SERPINB10: variants seen among roughly 807,000 people sequenced by gnomAD.
SERPINB10 encodes serpin family B member 10, also known as serpin B10.
In SERPINB10, 35 loss-of-function variants were observed where a neutral mutation model predicts 39.1. The observed-to-expected ratio is 0.90, with a 90% CI of 0.68 to 1.19. SERPINB10 has a LOEUF of 1.19. SERPINB10 is among the 50% of genes most tolerant of loss of function. SERPINB10 has a pLI of 0.00. For synonymous variants in SERPINB10, 190 were observed against 158.1 expected, an observed-to-expected ratio of 1.20 and a Z score of -1.52; for missense variants, 546 against 460.5, an observed-to-expected ratio of 1.19 and a Z score of -1.70.
chr18:63,912,642 T>C (rs754926521), intron 1 of SERPINB10, among the ~76,000 whole-genome samples: 1 of 152,030 alleles, frequency 6.6e-6, no homozygotes, highest in African/African-American at 2.4e-5. Context: ...TTGATGGTGG[T>C]AAATTAACTT....
At chr18:63,924,656 C>T (rs62097493) in intron 5 of SERPINB10, among the ~76,000 whole-genome samples, 3,472 of 152,032 alleles carry the variant, frequency 0.023, 118 homozygotes, top group African/African-American at 0.072. Flanking sequence ...CTGCCCCCAA[C>T]AAGCTCCATG....
At position 63,935,017 on chromosome 18, in the gene SERPINB10, A is replaced by G; in HGVS notation, c.969A>G (p.Ser323=). The G allele has an allele frequency of 2.5e-6, 4 of 1,614,244 alleles. No homozygotes were observed. Among genetic ancestry groups the G allele is most frequent in the Non-Finnish European group, 3.4e-6 (4 of 1,180,044 alleles). ...TCAGCCAAAGCAAAGCTGATTTCTC[A>G]GGAATGTCTTCAGCAAGAAACCTAT... ...DAFSQSKADF[S]GMSSARNLFL... The change falls in exon 8 of 8, where the codon TCA becomes TCG. Residue 323 remains serine (S), a synonymous_variant. Transcript: ENST00000238508.
chr18:63,920,023 A>G, intron 5 of SERPINB10, 118 bp downstream of exon 5: 1 of 539,470 alleles, frequency 1.9e-6, no homozygotes, highest in South Asian at 2.8e-5. Flanking sequence ...ACACATTGTA[A>G]ATATTCAGAA....
chr18:63,913,813 A>G (rs2050082206), intron 1 of SERPINB10, among the ~76,000 whole-genome samples: 1 of 151,864 alleles, frequency 6.6e-6, no homozygotes, highest in South Asian at 2.1e-4. Flanking sequence ...TTTCTTTGTT[A>G]GTTTTCTCCC....
intron 3 of SERPINB10, 123 bp downstream of exon 3, chr18:63,917,644 T>C: frequency 1.7e-6 from 1 of 583,292 alleles, no homozygotes; most frequent in Admixed American, 3.7e-5. Flanking sequence ...ATATTAAAGT[T>C]ACAGAAACTT....
intron 4 of SERPINB10, 91 bp from the exon 5 acceptor site, chr18:63,919,697 G>T: frequency 3.6e-6 from 3 of 830,090 alleles, no homozygotes; most frequent in Non-Finnish European, 3.8e-6. Context: ...GCAATTGCCC[G>T]CCTACCTAGT....
At chr18:63,929,236 G>A (rs1426355449) in intron 5 of SERPINB10, among the ~76,000 whole-genome samples, 12 of 152,090 alleles carry the variant, frequency 7.9e-5, no homozygotes, top group Non-Finnish European at 1.8e-4. Flanking sequence ...AATTTTGAAG[G>A]AAAATAAAGG....
chr18:63,933,591 T>C (rs1369871379), intron 7 of SERPINB10, among the ~76,000 whole-genome samples: 1 of 152,210 alleles, frequency 6.6e-6, no homozygotes, highest in East Asian at 1.9e-4. Flanking sequence ...CTATGTAATT[T>C]GAAATTAATA....
At chr18:63,929,334 C>G (rs924142610) in intron 5 of SERPINB10, among the ~76,000 whole-genome samples, 8 of 151,920 alleles carry the variant, frequency 5.3e-5, no homozygotes, top group Non-Finnish European at 1.0e-4. Flanking sequence ...GCCACCATTT[C>G]CCCCTCTGAA....
chr18:63,919,066 C>A (rs562173442), intron 4 of SERPINB10, among the ~76,000 whole-genome samples: 5 of 152,120 alleles, frequency 3.3e-5, no homozygotes, highest in African/African-American at 9.6e-5. Context: ...ATCACTTTTT[C>A]TCCTACAAGC....
intron 5 of SERPINB10, among the ~76,000 whole-genome samples, chr18:63,923,935 C>A (rs2050163316): frequency 6.6e-6 from 1 of 152,040 alleles, no homozygotes; most frequent in South Asian, 2.1e-4. Flanking sequence ...TTATGTTCTG[C>A]TTTGACAATT....
chr18:63,933,001 C>T, intron 6 of SERPINB10, 47 bp from the exon 7 acceptor site: 1 of 1,561,572 alleles, frequency 6.4e-7, no homozygotes, highest in Non-Finnish European at 8.7e-7. Flanking sequence ...TGGAATACTT[C>T]TTCAATGACC....
intron 5 of SERPINB10, among the ~76,000 whole-genome samples, chr18:63,922,916 C>T (rs1342970940): frequency 1.3e-5 from 2 of 151,832 alleles, no homozygotes; most frequent in African/African-American, 4.8e-5. Flanking sequence ...AATCTAGTGG[C>T]CACCATATTA....
At chr18:63,922,012 A>T (rs1445613919) in intron 5 of SERPINB10, among the ~76,000 whole-genome samples, 1 of 151,818 alleles carries the variant, frequency 6.6e-6, no homozygotes, top group East Asian at 1.9e-4. Flanking sequence ...ACATTTATGC[A>T]AACCTTTACT....
At chr18:63,912,943 T>C (rs1372797105) in intron 1 of SERPINB10, among the ~76,000 whole-genome samples, 5 of 151,930 alleles carry the variant, frequency 3.3e-5, no homozygotes, top group African/African-American at 1.2e-4. Context: ...TTATAATTGA[T>C]TCAATTTTGA....
At chr18:63,927,394 A>G (rs2144734203) in intron 5 of SERPINB10, among the ~76,000 whole-genome samples, 1 of 152,152 alleles carries the variant, frequency 6.6e-6, no homozygotes, top group East Asian at 1.9e-4. Flanking sequence ...AAAACATCTT[A>G]GACTGGGTAA....
chr18:63,921,317 C>A (rs1023987963), intron 5 of SERPINB10, among the ~76,000 whole-genome samples: 1 of 151,858 alleles, frequency 6.6e-6, no homozygotes, highest in South Asian at 2.1e-4. Flanking sequence ...TGCCAAGGGT[C>A]CCATGCATTT....
At chr18:63,919,369 G>T (rs1052756202) in intron 4 of SERPINB10, among the ~76,000 whole-genome samples, 1 of 151,794 alleles carries the variant, frequency 6.6e-6, no homozygotes, top group African/African-American at 2.4e-5. Flanking sequence ...ACAGAAGGAA[G>T]CTACCAGTAT....
rs980397335 is a variant in SERPINB10, at chr18:63,935,949, A to G, written c.*707A>G. 1 of 152,220 alleles carries G rather than the reference A, an allele frequency of 6.6e-6. No homozygotes were observed. Among genetic ancestry groups the G allele is most frequent in the Non-Finnish European group, 1.5e-5 (1 of 68,040 alleles). 9.4% of individuals were successfully genotyped at this position (152,220 alleles called of 1,614,324 possible). On this transcript the variant is annotated 3_prime_UTR_variant, in exon 8 of 8. Transcript: ENST00000238508. ...GAAATTTGAAGTTTAGCTAGTAGCA[A>G]TCTCTCAATGTTGGTGCCCTAGTTT...
Sources: gnomAD v4.1 joint callset for allele counts (sites outside exome capture counted in the v4.1 genomes callset) on GRCh38, gnomAD v4.1.1 for gene constraint, MANE v1.5 for transcripts, NCBI Gene and HGNC (gene_info 2026-07-23, HGNC 2026-07-21) for gene names.